Variants in ZAR1L observed in about 807,000 individuals in gnomAD.
ZAR1L encodes the protein zygote arrest 1 like.
Under a neutral mutation model 30.0 loss-of-function variants are expected in ZAR1L, and 16 were observed. That is an observed-to-expected ratio of 0.53 (90% confidence interval 0.36 to 0.81). The LOEUF is 0.81. ZAR1L is among the 30% of genes least tolerant of loss of function. ZAR1L has a pLI of 0.00. For missense variants in ZAR1L, 392 were observed against 417.2 expected (o/e 0.94, Z 0.53); for synonymous variants, 197 against 166.8 (o/e 1.18, Z -1.40).
At position 32,303,904 on chromosome 13, in the gene ZAR1L, A is replaced by C. The variant is rs1215441659; in HGVS notation, c.941T>G (p.Ile314Ser). 6.4e-7 allele frequency: 1 copy of C among 1,551,666 alleles called. No individual in the cohort carries two copies. The highest frequency in any genetic ancestry group is 2.4e-5 in the East Asian group (1 of 40,934). Residue 314 changes from isoleucine (I) to serine (S), a missense_variant, in exon 6 of 6, where the codon ATT becomes AGT. Coordinates refer to ENST00000533490, the MANE Select transcript of ZAR1L (RefSeq NM_001136571.2). Reference protein sequence around the residue: ...CKDKRFSCGNIYSFKYVM With the variant: ...CKDKRFSCGNSYSFKYVM ...TCACATCACATATTTAAAGCTGTAA[A>C]TATTGCCACAGGAGAATCTCTTGTC...
chr13:32,313,985 A>C lies in ZAR1L; in HGVS notation c.-169+345T>G, dbSNP rs150456981. 1.9e-4 allele frequency among the ~76,000 whole-genome samples: 29 copies of C among 152,336 alleles called. No individual in the cohort carries two copies. The East Asian group carries it at 2.3e-3, about 12-fold the overall frequency. On this transcript the variant is annotated intron_variant, in intron 2 of 5. Transcript: ENST00000533490. Reference sequence around the variant, plus strand: ...AGGGTAAATAAATCACAGGTTAGTTAAGTGTATGAAGTCAAATGGACTAGA... The same window carrying C: ...AGGGTAAATAAATCACAGGTTAGTTCAGTGTATGAAGTCAAATGGACTAGA...
intron 5 of ZAR1L, among the ~76,000 whole-genome samples, chr13:32,308,034 C>T (rs373324238): frequency 6.6e-6 from 1 of 152,174 alleles, no homozygotes; most frequent in South Asian, 2.1e-4. Flanking sequence ...AACTCCTGAC[C>T]TTGTGATCCA....
At chr13:32,306,356 A>G (rs891935288) in intron 5 of ZAR1L, among the ~76,000 whole-genome samples, 1 of 152,224 alleles carries the variant, frequency 6.6e-6, no homozygotes, top group Non-Finnish European at 1.5e-5. Flanking sequence ...TCCCAAAAGT[A>G]ATGAAAATCT....
intron 5 of ZAR1L, among the ~76,000 whole-genome samples, chr13:32,308,252 T>C (rs953797012): frequency 2.0e-5 from 3 of 152,232 alleles, no homozygotes; most frequent in Admixed American, 1.3e-4. Context: ...CAGTCAGAGC[T>C]CTAATACTAT....
At chr13:32,310,503 G>A (rs2072204536) in intron 4 of ZAR1L, 136 bp downstream of exon 4, 2 of 654,642 alleles carry the variant, frequency 3.1e-6, no homozygotes, top group Non-Finnish European at 2.7e-6. Flanking sequence ...AGCACTTCCT[G>A]TACACCTGGC....
At chr13:32,304,759 A>G (rs975166220) in intron 5 of ZAR1L, among the ~76,000 whole-genome samples, 1 of 151,046 alleles carries the variant, frequency 6.6e-6, no homozygotes, top group African/African-American at 2.4e-5. Flanking sequence ...CAACCCTGCC[A>G]TTCTATTTTC....
chr13:32,305,263 T>G (rs1351474632), intron 5 of ZAR1L, among the ~76,000 whole-genome samples: 3 of 152,144 alleles, frequency 2.0e-5, no homozygotes, highest in African/African-American at 2.4e-5. Flanking sequence ...GTCTCGCTCT[T>G]TTGCCCAGGC....
At chr13:32,304,211 GATGA>G (rs1415575330) in intron 5 of ZAR1L, among the ~76,000 whole-genome samples, 189 bp from the exon 6 acceptor site, 2 of 152,134 alleles carry the variant, frequency 1.3e-5, no homozygotes, top group African/African-American at 4.8e-5. Flanking sequence ...ATTTTTTCAA[GATGA>G]ATGATCACAG....
At chr13:32,314,630 C>A (rs2072236442) in intron 1 of ZAR1L, 80 bp from the exon 2 acceptor site, 2 of 152,408 alleles carry the variant, frequency 1.3e-5, no homozygotes, top group Admixed American at 1.3e-4. Flanking sequence ...GCAGGCAGAT[C>A]ACCTGAGGTC....
At chr13:32,306,674 T>A (rs1244568748) in intron 5 of ZAR1L, among the ~76,000 whole-genome samples, 1 of 152,178 alleles carries the variant, frequency 6.6e-6, no homozygotes, top group Non-Finnish European at 1.5e-5. Flanking sequence ...CTCACGCCTA[T>A]AATCCCAATA....
Position 32,311,852 on chromosome 13 carries a change from C to T in ZAR1L, c.74G>A (p.Gly25Glu). ...GTCGGGCTGTTTGTGCCCTGAGAGTCCAGGCTGGCCCAAAGGCACTGTGCT... is the reference window on the plus strand; with the variant it reads ...GTCGGGCTGTTTGTGCCCTGAGAGTTCAGGCTGGCCCAAAGGCACTGTGCT... ...YGSTVPLGQP[G>E]LSGHKQPDWR... Residue 25 changes from glycine (G) to glutamate (E), a missense_variant, in exon 3 of 6, where the codon GGA becomes GAA. By Grantham distance (98) the Gly-to-Glu change is moderately conservative. Transcript: ENST00000533490. 1.3e-6 allele frequency: 2 copies of T among 1,551,720 alleles called. No homozygotes were observed. The highest frequency in any genetic ancestry group is 1.7e-6 in the Non-Finnish European group (2 of 1,146,998).
intron 2 of ZAR1L, 63 bp from the exon 3 acceptor site, chr13:32,312,156 G>T: frequency 2.0e-6 from 1 of 511,552 alleles, no homozygotes; most frequent in Non-Finnish European, 3.4e-6. Flanking sequence ...CTACCTAATT[G>T]CTTTTCCCTA....
chr13:32,310,835 C>T, intron 3 of ZAR1L, 104 bp from the exon 4 acceptor site: 1 of 741,670 alleles, frequency 1.3e-6, no homozygotes, highest in Non-Finnish European at 2.3e-6. Flanking sequence ...TCTTTAACCT[C>T]ACTTGTATCT....
At chr13:32,310,811 A>G (rs2072206916) in intron 3 of ZAR1L, 80 bp from the exon 4 acceptor site, 1 of 886,044 alleles carries the variant, frequency 1.1e-6, no homozygotes, top group Non-Finnish European at 1.8e-6. Context: ...TTGTATAAGG[A>G]AAAAAAAATG....
chr13:32,311,656 C>T lies in ZAR1L; in HGVS notation c.270G>A (p.Glu90=). 1 of 1,551,470 alleles carries T rather than the reference C, an allele frequency of 6.4e-7. No homozygotes were observed. The highest frequency in any genetic ancestry group is 1.2e-5 in the South Asian group (1 of 84,070). Residue 90 remains glutamate (E), a synonymous_variant, in exon 3 of 6, where the codon GAG becomes GAA. Coordinates refer to ENST00000533490, the MANE Select transcript of ZAR1L (RefSeq NM_001136571.2). ...SPRLCKPNTK[E]VGVQVSPRVD... ...CCCGCGGGCTCACCTGCACGCCCAC[C>T]TCCTTGGTGTTGGGCTTGCACAGCC...
Position 32,311,532 on chromosome 13 carries a change from C to T in ZAR1L, c.394G>A (p.Val132Ile). 6.5e-7 allele frequency: 1 copy of T among 1,536,064 alleles called. No homozygotes were observed. Residue 132 changes from valine (V) to isoleucine (I), a missense_variant, in exon 3 of 6, where the codon GTC becomes ATC. By Grantham distance (29) the Val-to-Ile change is conservative (BLOSUM62 3). Coordinates refer to ENST00000533490, the MANE Select transcript of ZAR1L (RefSeq NM_001136571.2). ...DPQEPLPACG[V>I]TSPATGRRGL... ...CTGCGGCCGGTGGCGGGCGAAGTGA[C>T]CCCACAGGCTGGCAGGGGCTCCTGG...
At chr13:32,310,355 A>C in intron 4 of ZAR1L, among the ~76,000 whole-genome samples, 1 of 152,202 alleles carries the variant, frequency 6.6e-6, no homozygotes, top group East Asian at 1.9e-4. Flanking sequence ...CATACCAACT[A>C]AAAAACGGTT....
At chr13:32,308,514 CA>C (rs1445878706) in intron 5 of ZAR1L, among the ~76,000 whole-genome samples, 171 bp downstream of exon 5, 1 of 152,164 alleles carries the variant, frequency 6.6e-6, no homozygotes, top group Non-Finnish European at 1.5e-5. Context: ...TCTTTCCCTT[CA>C]AAAAAGATGC....
intron 4 of ZAR1L, among the ~76,000 whole-genome samples, chr13:32,310,064 A>G (rs2072201778): frequency 6.6e-6 from 1 of 152,258 alleles, no homozygotes; most frequent in Admixed American, 6.5e-5. Context: ...GGAAAAGAAG[A>G]GGAAGCCTTA....
Sources: gnomAD v4.1 joint callset for allele counts (sites outside exome capture counted in the v4.1 genomes callset) on GRCh38, gnomAD v4.1.1 for gene constraint, MANE v1.5 for transcripts, NCBI Gene and HGNC (gene_info 2026-07-23, HGNC 2026-07-21) for gene names.